The following CSMD1 variants were observed in gnomAD, a reference collection of about 807,000 sequenced individuals.
CSMD1 encodes CUB and Sushi multiple domains 1.
CSMD1 carries 213 observed loss-of-function variants against 417.5 expected under a neutral mutation model. The observed-to-expected ratio is 0.51, with a 90% CI of 0.46 to 0.57. The LOEUF (loss-of-function observed/expected upper bound fraction) is 0.57. Among genes scored for constraint, CSMD1 ranks in the 20% least tolerant of loss-of-function variants. The pLI is 0.00. For synonymous variants in CSMD1, 2,862 were observed against 1,736.8 expected (o/e 1.65, Z -16.11); for missense variants, 6,923 against 4,529.7 (o/e 1.53, Z -15.17).
intron 8 of CSMD1, among the ~76,000 whole-genome samples, chr8:3,607,864 A>C (rs1484906849): frequency 6.6e-6 from 1 of 152,126 alleles, no homozygotes; most frequent in Non-Finnish European, 1.5e-5. Context: ...TTGAGGAAGA[A>C]CATGACTAAG....
chr8:4,477,464 G>A lies in CSMD1; in HGVS notation c.303-57399C>T, dbSNP rs141224692. Among the ~76,000 whole-genome samples the A allele has an allele frequency of 9.1e-4, 139 of 152,332 alleles. No individual in the cohort carries two copies. In the Middle Eastern group the frequency reaches 0.01, roughly 11 times the overall value. ...AGTCTGGTAAAACACATGATTTTCA[G>A]ATATTTATATTTAATCACTATAATT... On this transcript the variant is annotated intron_variant, in intron 2 of 69. Transcript: ENST00000635120.
intron 10 of CSMD1, among the ~76,000 whole-genome samples, chr8:3,550,603 G>C (rs981088720): frequency 1.3e-5 from 2 of 152,108 alleles, no homozygotes; most frequent in Admixed American, 1.3e-4. Context: ...TCCTTTCTCT[G>C]ACCTCATCAG....
intron 5 of CSMD1, among the ~76,000 whole-genome samples, chr8:3,986,464 C>T (rs530003341): frequency 9.9e-5 from 15 of 152,256 alleles, no homozygotes; most frequent in African/African-American, 3.6e-4. Context: ...TAGCCATGTG[C>T]AAAGCCGAGC....
intron 7 of CSMD1, among the ~76,000 whole-genome samples, chr8:3,677,358 T>A (rs1011858247): frequency 6.6e-6 from 1 of 152,106 alleles, no homozygotes; most frequent in Non-Finnish European, 1.5e-5. Context: ...CTTGAATAAA[T>A]AAGCAGTTAT....
chr8:2,987,672 A>C (rs1159761405), intron 54 of CSMD1, among the ~76,000 whole-genome samples: 1 of 152,210 alleles, frequency 6.6e-6, no homozygotes, highest in Non-Finnish European at 1.5e-5. Flanking sequence ...GAATGCCCCC[A>C]TAAGAGGGGC....
intron 49 of CSMD1, among the ~76,000 whole-genome samples, chr8:3,062,674 G>A (rs903433766): frequency 2.7e-5 from 4 of 150,934 alleles, no homozygotes; most frequent in African/African-American, 9.7e-5. Flanking sequence ...ATAACCCAAG[G>A]AAGAAAAAAA....
intron 5 of CSMD1, among the ~76,000 whole-genome samples, chr8:3,803,601 G>A (rs974404133): frequency 3.9e-5 from 6 of 152,208 alleles, no homozygotes; most frequent in African/African-American, 9.6e-5. Context: ...ACAAAGACCA[G>A]TGTGTCTGCA....
chr8:4,298,530 T>G (rs924814554), intron 3 of CSMD1, among the ~76,000 whole-genome samples: 2 of 152,188 alleles, frequency 1.3e-5, no homozygotes, highest in East Asian at 3.8e-4. Flanking sequence ...CTATATACAA[T>G]GTACACATGT....
chr8:3,800,529 G>A (rs1800397511), intron 5 of CSMD1, among the ~76,000 whole-genome samples: 1 of 152,048 alleles, frequency 6.6e-6, no homozygotes, highest in South Asian at 2.1e-4. Flanking sequence ...TTATCTCAAA[G>A]GAGATCATAG....
At chr8:3,545,259 A>C (rs1031353915) in intron 10 of CSMD1, among the ~76,000 whole-genome samples, 21 of 152,140 alleles carry the variant, frequency 1.4e-4, no homozygotes, top group Admixed American at 4.6e-4. Flanking sequence ...AACTTTTCTG[A>C]TTTAAAGAAG....
intron 2 of CSMD1, among the ~76,000 whole-genome samples, chr8:4,464,574 A>C (rs909766295): frequency 2.6e-5 from 4 of 152,158 alleles, no homozygotes; most frequent in Non-Finnish European, 4.4e-5. Flanking sequence ...TGGGTACTCA[A>C]CGGGTGGTTT....
intron 2 of CSMD1, among the ~76,000 whole-genome samples, chr8:4,591,405 G>A (rs148557219): frequency 5.6e-4 from 85 of 152,298 alleles, no homozygotes; most frequent in African/African-American, 1.3e-3. Context: ...GGTGGAGAAG[G>A]GATGAAAGAA....
intron 5 of CSMD1, among the ~76,000 whole-genome samples, chr8:3,956,382 C>G (rs1811947737): frequency 6.6e-6 from 1 of 152,102 alleles, no homozygotes; most frequent in Admixed American, 6.5e-5. Context: ...AGTGAGAGAG[C>G]TAGAATTTGA....
intron 1 of CSMD1, among the ~76,000 whole-genome samples, chr8:4,928,094 G>C (rs527909905): frequency 1.3e-5 from 2 of 152,154 alleles, no homozygotes; most frequent in Non-Finnish European, 1.5e-5. Context: ...TCCATTCTTA[G>C]CCCTCATCCT....
chr8:4,162,684 C>A (rs893733665), intron 3 of CSMD1, among the ~76,000 whole-genome samples: 4 of 152,120 alleles, frequency 2.6e-5, no homozygotes. Context: ...AGAGCCTCCC[C>A]AACTATCAAC....
intron 3 of CSMD1, among the ~76,000 whole-genome samples, chr8:4,360,730 G>A (rs1584955473): frequency 1.3e-5 from 2 of 151,532 alleles, no homozygotes; most frequent in East Asian, 3.9e-4. Flanking sequence ...TCCTGACCTC[G>A]TGATCCGCCT....
intron 25 of CSMD1, among the ~76,000 whole-genome samples, chr8:3,298,980 A>C (rs1420375881): frequency 6.6e-6 from 1 of 152,224 alleles, no homozygotes; most frequent in African/African-American, 2.4e-5. Flanking sequence ...CAGAAAAACA[A>C]ACATGCACCC....
At chr8:4,092,740 A>T (rs969596650) in intron 3 of CSMD1, among the ~76,000 whole-genome samples, 1 of 152,030 alleles carries the variant, frequency 6.6e-6, no homozygotes, top group Non-Finnish European at 1.5e-5. Flanking sequence ...TAACTTCCAC[A>T]TTTTCTTTAA....
intron 25 of CSMD1, among the ~76,000 whole-genome samples, chr8:3,296,432 C>T (rs754594998): frequency 6.6e-6 from 1 of 152,088 alleles, no homozygotes; most frequent in African/African-American, 2.4e-5. Flanking sequence ...AGAGAGGTGC[C>T]TACGCACAGA....
Sources: allele counts gnomAD v4.1 joint callset (sites outside exome capture counted in the v4.1 genomes callset), GRCh38; gene constraint gnomAD v4.1.1; transcripts MANE v1.5; gene names NCBI Gene and HGNC (gene_info 2026-07-23, HGNC 2026-07-21).